C2CD2: variants seen among roughly 807,000 people sequenced by gnomAD.
C2CD2 encodes C2 calcium dependent domain containing 2.
In C2CD2, 43 loss-of-function variants were observed where a neutral mutation model predicts 74.3. The observed-to-expected ratio is 0.58, with a 90% CI of 0.45 to 0.75. The LOEUF (loss-of-function observed/expected upper bound fraction) is 0.75. Among genes scored for constraint, C2CD2 ranks in the 30% least tolerant of loss-of-function variants. C2CD2 has a pLI of 0.00. For missense variants in C2CD2, 801 were observed against 916.3 expected (o/e 0.87, Z 1.63); for synonymous variants, 422 against 390.7 (o/e 1.08, Z -0.94).
rs918904887 is a variant in C2CD2, at chr21:41,953,598, C to A, written c.51G>T (p.Ala17=). The A allele has an allele frequency of 6.7e-7, 1 of 1,492,224 alleles. No homozygotes were observed. The highest frequency in any genetic ancestry group is 1.5e-5 in the African/African-American group (1 of 68,944). The allele number at this position is 1,492,224 out of a possible 1,614,324, so 92.4% of individuals were successfully genotyped here. The change falls in exon 1 of 14, where the codon GCG becomes GCT. Residue 17 remains alanine (A), a synonymous_variant. Transcript: ENST00000380486. The part of the protein sequence containing the change: ...GSWLGEAQWL[A]LVSLFVAALA... Reference sequence around the variant, plus strand: ...GGGCCGCGACGAAGAGCGACACCAGCGCGAGCCACTGCGCCTCCCCGAGCC... The same window carrying A: ...GGGCCGCGACGAAGAGCGACACCAGAGCGAGCCACTGCGCCTCCCCGAGCC...
chr21:41,905,894 T>C (rs778446885), intron 10 of C2CD2, 57 bp from the exon 11 acceptor site: 10 of 965,172 alleles, frequency 1.0e-5, no homozygotes, highest in Non-Finnish European at 1.7e-5. Context: ...GGATCAACAG[T>C]TACCGAAAAG....
intron 8 of C2CD2, chr21:41,908,087 C>T: frequency 2.6e-6 from 1 of 391,868 alleles, no homozygotes. Context: ...GTGACAAAAA[C>T]TGGAAGATGG....
intron 2 of C2CD2, among the ~76,000 whole-genome samples, chr21:41,927,719 T>C (rs993184429): frequency 7.2e-5 from 11 of 152,200 alleles, no homozygotes; most frequent in African/African-American, 1.2e-4. Flanking sequence ...TCCACCCACC[T>C]TGGCCTCCCA....
chr21:41,906,549 G>GTTAATTTTGTATTTTT (rs2064964282), intron 10 of C2CD2, among the ~76,000 whole-genome samples: 3 of 152,124 alleles, frequency 2.0e-5, no homozygotes, highest in Non-Finnish European at 4.4e-5. Flanking sequence ...ATTTTTAGTA[G>GTTAATTTTGTATTTTT]AGATGGGGTT....
intron 5 of C2CD2, among the ~76,000 whole-genome samples, chr21:41,915,206 ACGT>A (rs2065075300): frequency 6.6e-6 from 1 of 152,190 alleles, no homozygotes; most frequent in African/African-American, 2.4e-5. Flanking sequence ...ACAGAGTCCA[ACGT>A]CCACATGAGG....
intron 2 of C2CD2, among the ~76,000 whole-genome samples, chr21:41,931,390 C>T (rs1456907020): frequency 6.7e-6 from 1 of 149,292 alleles, no homozygotes; most frequent in Non-Finnish European, 1.5e-5. Flanking sequence ...CCCTTGGAAT[C>T]TCCCGAGAGA....
At position 41,945,502 on chromosome 21, in the gene C2CD2, GA is replaced by G. The variant is rs113742480; in HGVS notation, c.280-3258del. Among the ~76,000 whole-genome samples, 991 of 135,322 alleles carry G rather than the reference GA, an allele frequency of 7.3e-3. 4 individuals are homozygous for G. The highest frequency in any genetic ancestry group is 0.022 in the African/African-American group (803 of 37,056). The allele number at this position is 135,322 out of a possible 152,430, so 88.8% of individuals were successfully genotyped here. On this transcript the variant is annotated intron_variant, in intron 1 of 13. Transcript: ENST00000380486. This position sits in a 1 kb window ranked among gnomAD's most constrained non-coding sequence, Gnocchi z 4.2. ...TTGTGGAAACATGAAGTAAGGAAAT[GA>G]AAAAAAAAAAAAGTGGGCTTGATGG... is the stretch of plus-strand genomic sequence containing the variant.
rs2064680708 is a variant in C2CD2, at chr21:41,886,105, G to A, written c.*3019C>T. 6.6e-6 allele frequency: 1 copy of A among 152,130 alleles called. No homozygotes were observed. 9.4% of individuals were successfully genotyped at this position (152,130 alleles called of 1,614,324 possible). ...GGCACCTCCTTAAACAAAGCAAACG[G>A]GGAAGGGTTGCAAGCTCATTAAAAC... is the stretch of plus-strand genomic sequence containing the variant. On this transcript the variant is annotated 3_prime_UTR_variant, in exon 14 of 14. Transcript: ENST00000380486.
rs954064267 is a variant in C2CD2, at chr21:41,887,004, T to G, written c.*2120A>C. On this transcript the variant is annotated 3_prime_UTR_variant, in exon 14 of 14. Transcript: ENST00000380486. ...AATTTTTTAAATAAAAAAAAACTTCTGATATCCTTGCACTTGAATAGAGTG... is the reference window on the plus strand; with the variant it reads ...AATTTTTTAAATAAAAAAAAACTTCGGATATCCTTGCACTTGAATAGAGTG... The G allele has an allele frequency of 1.3e-5, 2 of 152,208 alleles. No homozygotes were observed. The highest frequency in any genetic ancestry group is 4.8e-5 in the African/African-American group (2 of 41,456). The allele number at this position is 152,208 out of a possible 1,614,324, so 9.4% of individuals were successfully genotyped here.
Position 41,907,640 on chromosome 21 carries a change from G to A in C2CD2, c.1143+20C>T, listed in dbSNP as rs149394101. On this transcript the variant is annotated intron_variant, in intron 9 of 13. Transcript: ENST00000380486. ...GTGCCCCAAGCCGGAACCCGGCCGCGGCGGACAGCCTCGCCCTACCTCTGC... is the reference window on the plus strand; with the variant it reads ...GTGCCCCAAGCCGGAACCCGGCCGCAGCGGACAGCCTCGCCCTACCTCTGC... 7,201 of 1,601,726 alleles carry A rather than the reference G, an allele frequency of 4.5e-3. 35 individuals are homozygous for A. The highest frequency in any genetic ancestry group is 0.025 in the Middle Eastern group (110 of 4,418).
intron 9 of C2CD2, 151 bp downstream of exon 9, chr21:41,907,509 T>TGG (rs1349603759): frequency 1.2e-6 from 1 of 812,748 alleles, no homozygotes; most frequent in Non-Finnish European, 1.9e-6. Flanking sequence ...TATTCGAGTC[T>TGG]GGTCCTGCGT....
In C2CD2 at chr21:41,886,782, C is replaced by G. The variant is rs1169377044; in HGVS notation, c.*2342G>C. 6.6e-6 allele frequency: 1 copy of G among 151,896 alleles called. No homozygotes were observed. Among genetic ancestry groups the G allele is most frequent in the Non-Finnish European group, 1.5e-5 (1 of 68,026 alleles). 9.4% of individuals were successfully genotyped at this position (151,896 alleles called of 1,614,324 possible). On this transcript the variant is annotated 3_prime_UTR_variant, in exon 14 of 14. Transcript: ENST00000380486. ...GGTGGATCACCTGAGGTCAGGAGTT[C>G]GAGACCAGCCTGACCAACATGGTGA...
At chr21:41,932,249 G>C (rs556122970) in intron 2 of C2CD2, among the ~76,000 whole-genome samples, 9 of 150,214 alleles carry the variant, frequency 6.0e-5, no homozygotes, top group African/African-American at 1.9e-4. Context: ...CGTCCAGGCA[G>C]GGCATGAAGC....
At chr21:41,898,911 T>C in intron 13 of C2CD2, 142 bp downstream of exon 13, 2 of 702,486 alleles carry the variant, frequency 2.8e-6, no homozygotes, top group Non-Finnish European at 5.0e-6. Flanking sequence ...GCACAGGGCA[T>C]TTCTGGAGGG....
At position 41,887,196 on chromosome 21, in the gene C2CD2, T is replaced by C. The variant is rs1049124193; in HGVS notation, c.*1928A>G. ...CAAGTAAAACATTAAAGTGAACATC[T>C]GTCCCATCTGTCCCAAAAGACTAAC... On this transcript the variant is annotated 3_prime_UTR_variant, in exon 14 of 14. Coordinates refer to ENST00000380486, the MANE Select transcript of C2CD2 (RefSeq NM_015500.2). 2.6e-5 allele frequency: 4 copies of C among 152,342 alleles called. No homozygotes were observed. The highest frequency in any genetic ancestry group is 5.9e-5 in the Non-Finnish European group (4 of 68,036). The allele number at this position is 152,342 out of a possible 1,614,324, so 9.4% of individuals were successfully genotyped here. A position where few individuals can be genotyped will look rare whatever the true frequency, so the allele number is the denominator to read the frequency against.
chr21:41,902,002 C>T (rs969257241), intron 11 of C2CD2, among the ~76,000 whole-genome samples: 28 of 152,232 alleles, frequency 1.8e-4, no homozygotes, highest in African/African-American at 6.7e-4. Flanking sequence ...ACTTTATTTA[C>T]AAAAACAAGT....
intron 6 of C2CD2, 87 bp downstream of exon 6, chr21:41,914,511 A>C: frequency 9.2e-6 from 11 of 1,201,786 alleles, no homozygotes; most frequent in Non-Finnish European, 1.3e-5. Flanking sequence ...GGATGCCACC[A>C]GAGAATCCAA....
At chr21:41,922,755 G>A (rs759683370) in intron 2 of C2CD2, among the ~76,000 whole-genome samples, 2 of 152,178 alleles carry the variant, frequency 1.3e-5, no homozygotes, top group Non-Finnish European at 2.9e-5. Flanking sequence ...GATTACAGGT[G>A]TGAGCCACCA....
chr21:41,907,581 T>G (rs1226361446), intron 9 of C2CD2, 79 bp downstream of exon 9: 33 of 1,476,760 alleles, frequency 2.2e-5, no homozygotes, highest in Non-Finnish European at 2.9e-5. Flanking sequence ...GGAGTGAGAC[T>G]CTGCAGACAT....
Sources: gnomAD v4.1 joint callset for allele counts (sites outside exome capture counted in the v4.1 genomes callset) on GRCh38, gnomAD v4.1.1 for gene constraint, Gnocchi (gnomAD v3.1) non-coding constraint, MANE v1.5 for transcripts, NCBI Gene and HGNC (gene_info 2026-07-23, HGNC 2026-07-21) for gene names.